The following KCNMB2 variants were observed in gnomAD, a reference collection of about 807,000 sequenced individuals.
KCNMB2 encodes calcium-activated potassium channel subunit beta-2.
KCNMB2 carries 9 observed loss-of-function variants against 24.5 expected under a neutral mutation model. That is an observed-to-expected ratio of 0.37 (90% confidence interval 0.22 to 0.64). KCNMB2 has a LOEUF of 0.64. Ranked by LOEUF, KCNMB2 falls within the 30% of genes least tolerant of loss-of-function variation. The pLI is 0.63. For synonymous variants in KCNMB2, 109 were observed against 104.4 expected (o/e 1.04, Z -0.27); for missense variants, 226 against 284.3 (o/e 0.79, Z 1.47).
intron 1 of KCNMB2, among the ~76,000 whole-genome samples, chr3:178,624,507 C>T (rs945436275): frequency 4.0e-5 from 6 of 151,856 alleles, no homozygotes; most frequent in Non-Finnish European, 7.4e-5. Context: ...AAGTGTGATC[C>T]ATTTGACCTC....
At chr3:178,757,896 C>CAAGAGGATACATATATATATCT (rs1724207545) in intron 1 of KCNMB2, among the ~76,000 whole-genome samples, 7 of 118,296 alleles carry the variant, frequency 5.9e-5, no homozygotes, top group Non-Finnish European at 1.1e-4. Context: ...TATATATATC[C>CAAGAGGATACATATATATATCT]AAGAGGATAC....
At chr3:178,685,672 T>G (rs896527770) in intron 1 of KCNMB2, among the ~76,000 whole-genome samples, 3 of 152,344 alleles carry the variant, frequency 2.0e-5, no homozygotes, top group African/African-American at 7.2e-5. Flanking sequence ...GTTAGGAAAT[T>G]ATTAAGTCCA....
intron 1 of KCNMB2, among the ~76,000 whole-genome samples, chr3:178,627,127 T>C (rs1397224426): frequency 2.0e-5 from 3 of 152,068 alleles, no homozygotes; most frequent in Non-Finnish European, 4.4e-5. Context: ...AGATTATTTA[T>C]AAACATTGAG....
chr3:178,833,888 G>C (rs1161079906), intron 4 of KCNMB2, among the ~76,000 whole-genome samples: 2 of 152,158 alleles, frequency 1.3e-5, no homozygotes, highest in Non-Finnish European at 2.9e-5. Context: ...GGCTCTGGGA[G>C]CTACAAGAGG....
intron 4 of KCNMB2, among the ~76,000 whole-genome samples, chr3:178,841,906 G>A (rs943420260): frequency 7.9e-5 from 12 of 152,284 alleles, no homozygotes; most frequent in East Asian, 7.7e-4. Context: ...AAGATCAAAA[G>A]AAAGGTAGCA....
chr3:178,738,749 A>G (rs1022125953), intron 1 of KCNMB2, among the ~76,000 whole-genome samples: 7 of 152,136 alleles, frequency 4.6e-5, no homozygotes, highest in African/African-American at 1.7e-4. Context: ...CTCCCAGCCC[A>G]TTAGGCCCTC....
chr3:178,548,311 C>T (rs1002726522), intron 1 of KCNMB2, among the ~76,000 whole-genome samples: 1 of 152,160 alleles, frequency 6.6e-6, no homozygotes. Flanking sequence ...GTTTCTTCTG[C>T]CTAGATCATG....
intron 1 of KCNMB2, among the ~76,000 whole-genome samples, chr3:178,562,330 A>C (rs1716351869): frequency 6.6e-6 from 1 of 152,246 alleles, no homozygotes; most frequent in Non-Finnish European, 1.5e-5. Context: ...TGTGACCACT[A>C]GGTTTGGCAC....
At chr3:178,598,879 C>A (rs77634972) in intron 1 of KCNMB2, among the ~76,000 whole-genome samples, 400 of 152,106 alleles carry the variant, frequency 2.6e-3, no homozygotes, top group Non-Finnish European at 5.0e-3. Flanking sequence ...CACTACACTT[C>A]GGGAGTTTTT....
chr3:178,551,376 C>A (rs1199633533), intron 1 of KCNMB2, among the ~76,000 whole-genome samples: 1 of 152,214 alleles, frequency 6.6e-6, no homozygotes. Context: ...CATTGAAAGT[C>A]CTATCCCAAG....
Position 178,825,642 on chromosome 3 carries a change from C to G in KCNMB2, c.111C>G (p.Val37=), listed in dbSNP as rs753305508. The change falls in exon 3 of 5, where the codon GTC becomes GTG. Residue 37 remains valine, a synonymous_variant. Coordinates refer to ENST00000452583, the MANE Select transcript of KCNMB2 (RefSeq NM_181361.3). ...ACCTCCTGGACAAAAGGAAAACAGTCACAGCACTGAAGGCAGGAGAGGACC... is the reference window on the plus strand; with the variant it reads ...ACCTCCTGGACAAAAGGAAAACAGTGACAGCACTGAAGGCAGGAGAGGACC... ...DHDLLDKRKT[V]TALKAGEDRA... 1 of 1,613,954 alleles carries G rather than the reference C, an allele frequency of 6.2e-7. No homozygotes were observed. Among genetic ancestry groups the G allele is most frequent in the South Asian group, 1.1e-5 (1 of 91,074 alleles).
At chr3:178,778,621 C>G (rs1712695855) in intron 1 of KCNMB2, among the ~76,000 whole-genome samples, 1 of 152,152 alleles carries the variant, frequency 6.6e-6, no homozygotes, top group Non-Finnish European at 1.5e-5. Context: ...GAGGAACACA[C>G]CAAGGCCAGT....
chr3:178,552,896 C>G (rs990745495), intron 1 of KCNMB2, among the ~76,000 whole-genome samples: 2 of 152,206 alleles, frequency 1.3e-5, no homozygotes, highest in Non-Finnish European at 2.9e-5. Context: ...AGATTTCTCT[C>G]TTCTTTGCTA....
intron 1 of KCNMB2, among the ~76,000 whole-genome samples, chr3:178,596,701 C>T (rs955571523): frequency 2.0e-5 from 3 of 152,040 alleles, no homozygotes; most frequent in African/African-American, 7.3e-5. Flanking sequence ...CAACCCCCGC[C>T]CCCAACCCAG....
At chr3:178,810,018 T>TC (rs1285898904) in intron 2 of KCNMB2, among the ~76,000 whole-genome samples, 1 of 114,210 alleles carries the variant, frequency 8.8e-6, no homozygotes, top group Non-Finnish European at 1.9e-5. Flanking sequence ...TTGTCTGTGC[T>TC]TTTTTTTTGA....
intron 1 of KCNMB2, among the ~76,000 whole-genome samples, chr3:178,799,421 C>A (rs1577197820): frequency 6.6e-6 from 1 of 151,902 alleles, no homozygotes; most frequent in Non-Finnish European, 1.5e-5. Flanking sequence ...GAAAGTAATT[C>A]CACTTACAAT....
rs146496237 is a variant in KCNMB2, at chr3:178,842,836, C to A, written c.607C>A (p.Pro203Thr). ...CGTGCTGTTCCATTCACTCTTCTGG[C>A]CAACCTGTATGATGGCTGGGGGTGT... The part of the protein sequence containing the change: ...SNVLFHSLFW[P>T]TCMMAGGVAI... Residue 203 changes from proline to threonine, a missense_variant, in exon 5 of 5, where the codon CCA becomes ACA. Physicochemically the swap from Pro to Thr is conservative, Grantham distance 38. Transcript: ENST00000452583. The A allele has an allele frequency of 9.3e-6, 15 of 1,613,866 alleles. No individual in the cohort carries two copies. Among genetic ancestry groups the A allele is most frequent in the Non-Finnish European group, 1.2e-5 (14 of 1,179,886 alleles).
intron 1 of KCNMB2, among the ~76,000 whole-genome samples, chr3:178,614,299 ATG>A (rs1244930408): frequency 0.084 from 8,170 of 97,528 alleles, 595 homozygotes; most frequent in Middle Eastern, 0.21. Flanking sequence ...ATATATATGT[ATG>A]TATATATATG....
intron 1 of KCNMB2, among the ~76,000 whole-genome samples, chr3:178,796,177 A>G (rs970207358): frequency 2.0e-5 from 3 of 152,246 alleles, no homozygotes; most frequent in Admixed American, 6.5e-5. Flanking sequence ...AAAGAAGGTC[A>G]TTATGTAATG....
Sources: allele counts gnomAD v4.1 joint callset (sites outside exome capture counted in the v4.1 genomes callset), GRCh38; gene constraint gnomAD v4.1.1; transcripts MANE v1.5; gene names NCBI Gene and HGNC (gene_info 2026-07-23, HGNC 2026-07-21).